Variants in DPYD observed in about 807,000 individuals in gnomAD.
DPYD encodes dihydropyrimidine dehydrogenase [NADP(+)].
Under a neutral mutation model 116.2 loss-of-function variants are expected in DPYD, and 109 were observed. The observed-to-expected ratio is 0.94, with a 90% CI of 0.80 to 1.10. DPYD has a LOEUF of 1.10. Among genes scored for constraint, DPYD ranks in the 50% least tolerant of loss-of-function variants. The pLI is 0.00. For missense variants in DPYD, 1,302 were observed against 1,254.5 expected (o/e 1.04, Z -0.57); for synonymous variants, 440 against 432.0 (o/e 1.02, Z -0.23).
intron 16 of DPYD, among the ~76,000 whole-genome samples, chr1:97,359,566 C>T (rs974802143): frequency 6.6e-6 from 1 of 152,098 alleles, no homozygotes; most frequent in African/African-American, 2.4e-5. Flanking sequence ...AGAGAAAGGT[C>T]GGGTTACCAA....
chr1:97,624,830 AACATTACACTAAGTGAAAC>A (rs1401029102), intron 8 of DPYD, among the ~76,000 whole-genome samples: 1 of 152,068 alleles, frequency 6.6e-6, no homozygotes, highest in Non-Finnish European at 1.5e-5. Context: ...GGAATTGGAG[AACATTACACTAAGTGAAAC>A]AAGTCAAGCA....
intron 4 of DPYD, among the ~76,000 whole-genome samples, chr1:97,732,229 C>A (rs2101050661): frequency 6.6e-6 from 1 of 152,202 alleles, no homozygotes; most frequent in African/African-American, 2.4e-5. Context: ...GTAATCCCAG[C>A]ACTTTGGGAG....
chr1:97,577,179 A>C (rs1485779939), intron 10 of DPYD, among the ~76,000 whole-genome samples: 2 of 152,162 alleles, frequency 1.3e-5, no homozygotes, highest in Non-Finnish European at 2.9e-5. Context: ...TAGCAGAAGA[A>C]AGATTCAGTC....
intron 20 of DPYD, among the ~76,000 whole-genome samples, chr1:97,141,089 C>T (rs892253331): frequency 6.6e-6 from 1 of 151,910 alleles, no homozygotes; most frequent in African/African-American, 2.4e-5. Flanking sequence ...TCATAGTGAT[C>T]CAAAATGGAA....
chr1:97,610,605 G>A (rs879751830), intron 8 of DPYD, among the ~76,000 whole-genome samples: 8 of 152,058 alleles, frequency 5.3e-5, no homozygotes, highest in South Asian at 2.1e-4. Context: ...CTGTGTACGC[G>A]ATGGGTTAAA....
intron 13 of DPYD, among the ~76,000 whole-genome samples, chr1:97,457,222 T>C (rs1232008140): frequency 2.0e-5 from 3 of 152,134 alleles, no homozygotes; most frequent in Middle Eastern, 3.2e-3. Context: ...CCAGACTGAA[T>C]GTCTGCTATA....
In DPYD at chr1:97,796,728, A is replaced by T. The variant is rs959707421; in HGVS notation, c.233+31386T>A. On this transcript the variant is annotated intron_variant, in intron 3 of 22. Coordinates refer to ENST00000370192, the MANE Select transcript of DPYD (RefSeq NM_000110.4). ...AGTGATGTGAATTATTTGCTTAGTT[A>T]CCACAAAAGTAATAATTACACTAAC... 4.6e-5 allele frequency among the ~76,000 whole-genome samples: 7 copies of T among 151,438 alleles called. No individual in the cohort carries two copies. In the East Asian group the frequency reaches 9.6e-4, roughly 21 times the overall value.
intron 20 of DPYD, among the ~76,000 whole-genome samples, chr1:97,190,615 C>T (rs1403866004): frequency 1.3e-5 from 2 of 152,150 alleles, no homozygotes; most frequent in Admixed American, 6.6e-5. Flanking sequence ...AGTGTACTAA[C>T]ACCCAACTAC....
At chr1:97,496,099 C>G (rs1679250208) in intron 13 of DPYD, among the ~76,000 whole-genome samples, 1 of 152,080 alleles carries the variant, frequency 6.6e-6, no homozygotes, top group Non-Finnish European at 1.5e-5. Context: ...CAACAATAAA[C>G]AGCTGGCAAG....
intron 5 of DPYD, among the ~76,000 whole-genome samples, chr1:97,713,357 C>A (rs939531416): frequency 2.0e-5 from 3 of 151,858 alleles, no homozygotes; most frequent in Non-Finnish European, 4.4e-5. Flanking sequence ...TAATTTTAAC[C>A]ATGCGATTTC....
At chr1:97,446,857 A>G (rs1210805353) in intron 14 of DPYD, among the ~76,000 whole-genome samples, 1 of 152,188 alleles carries the variant, frequency 6.6e-6, no homozygotes, top group Non-Finnish European at 1.5e-5. Flanking sequence ...AATAATAAGC[A>G]TTACAAAATC....
At chr1:97,328,974 T>C (rs1017381327) in intron 16 of DPYD, among the ~76,000 whole-genome samples, 4 of 152,180 alleles carry the variant, frequency 2.6e-5, no homozygotes, top group African/African-American at 7.2e-5. Context: ...TTATTTCACA[T>C]TTAATTAAAG....
intron 2 of DPYD, among the ~76,000 whole-genome samples, chr1:97,832,961 C>T (rs1317309438): frequency 1.3e-5 from 2 of 149,564 alleles, no homozygotes; most frequent in Non-Finnish European, 1.5e-5. Flanking sequence ...AACCAAACAC[C>T]TACTGATTCT....
intron 2 of DPYD, among the ~76,000 whole-genome samples, chr1:97,868,991 G>A (rs1008887494): frequency 2.5e-4 from 38 of 151,762 alleles, no homozygotes; most frequent in African/African-American, 8.7e-4. Context: ...TGAGAAACCT[G>A]CGCAGCTTCT....
chr1:97,582,567 A>G (rs933867011), intron 10 of DPYD, among the ~76,000 whole-genome samples: 4 of 152,190 alleles, frequency 2.6e-5, no homozygotes, highest in Non-Finnish European at 5.9e-5. Context: ...GAAATGCAGA[A>G]CAATTTTTAT....
intron 11 of DPYD, among the ~76,000 whole-genome samples, chr1:97,568,781 GCAAGT>G (rs1652701772): frequency 6.6e-6 from 1 of 151,960 alleles, no homozygotes; most frequent in Admixed American, 6.6e-5. Context: ...CTAACATGAA[GCAAGT>G]CAAGTCAAAT....
intron 14 of DPYD, among the ~76,000 whole-genome samples, chr1:97,394,756 AATTG>A (rs1672920470): frequency 6.6e-6 from 1 of 152,180 alleles, no homozygotes; most frequent in East Asian, 1.9e-4. Context: ...CTGTATTGGA[AATTG>A]ATTTCAAAAT....
intron 18 of DPYD, among the ~76,000 whole-genome samples, chr1:97,254,017 A>C (rs1663279101): frequency 6.6e-6 from 1 of 152,158 alleles, no homozygotes; most frequent in African/African-American, 2.4e-5. Context: ...ATATGCACAC[A>C]GAACTCTATT....
intron 16 of DPYD, among the ~76,000 whole-genome samples, chr1:97,350,925 A>G (rs988068782): frequency 2.6e-5 from 4 of 152,160 alleles, no homozygotes; most frequent in African/African-American, 7.2e-5. Context: ...GAAATGAATG[A>G]AACTCTATAT....
Sources: allele counts gnomAD v4.1 joint callset (sites outside exome capture counted in the v4.1 genomes callset), GRCh38; gene constraint gnomAD v4.1.1; transcripts MANE v1.5; gene names NCBI Gene and HGNC (gene_info 2026-07-23, HGNC 2026-07-21).